PI4KA: variants seen among roughly 807,000 people sequenced by gnomAD.
The protein encoded by PI4KA is phosphatidylinositol 4-kinase alpha.
PI4KA carries 122 observed loss-of-function variants against 271.4 expected under a neutral mutation model. That is an observed-to-expected ratio of 0.45 (90% CI 0.39 to 0.52). PI4KA has a LOEUF of 0.52. Among genes scored for constraint, PI4KA ranks in the 20% least tolerant of loss-of-function variants. PI4KA has a pLI of 0.00. For synonymous variants in PI4KA, 1,041 were observed against 1,078.8 expected, an observed-to-expected ratio of 0.96 and a Z score of 0.69; for missense variants, 1,969 against 2,769.1, an observed-to-expected ratio of 0.71 and a Z score of 6.48.
chr22:20,726,447 C>G (rs1601342107), intron 42 of PI4KA, 41 bp downstream of exon 42: 1 of 1,511,772 alleles, frequency 6.6e-7, no homozygotes, highest in South Asian at 1.3e-5. Flanking sequence ...GTGGAACACA[C>G]TCTGTGAGTG....
At chr22:20,797,445 G>C (rs1011660051) in intron 17 of PI4KA, among the ~76,000 whole-genome samples, 1 of 152,112 alleles carries the variant, frequency 6.6e-6, no homozygotes, top group Non-Finnish European at 1.5e-5. Flanking sequence ...TCACATAGGC[G>C]CAAGGAAGCA....
At chr22:20,826,985 T>C (rs1187893477) in intron 3 of PI4KA, among the ~76,000 whole-genome samples, 2 of 152,188 alleles carry the variant, frequency 1.3e-5, no homozygotes, top group Non-Finnish European at 2.9e-5. Flanking sequence ...TTTCATTCAG[T>C]AGGGTGGCTG....
intron 22 of PI4KA, 184 bp downstream of exon 22, chr22:20,764,633 G>A (rs1047907021): frequency 3.1e-5 from 17 of 553,934 alleles, no homozygotes; most frequent in South Asian, 5.0e-5. Context: ...GTTACTATAC[G>A]TGGTGTCTGG....
intron 10 of PI4KA, 71 bp downstream of exon 10, chr22:20,807,291 C>T: frequency 1.1e-6 from 1 of 924,650 alleles, no homozygotes; most frequent in East Asian, 2.4e-5. Context: ...AGTCTGCAAC[C>T]ACTAGCATGC....
rs1258268005 is a variant in PI4KA, at chr22:20,712,710, C to T, written c.5659G>A (p.Val1887Met). ...LDLFVFPYRV[V>M]ATAPGCGVIE... Reference sequence around the variant, plus strand: ...GAACTTACCCCAGGGGCAGTGGCCACCACGCGGTAGGGAAAAACAAAGAGG... The same window carrying T: ...GAACTTACCCCAGGGGCAGTGGCCATCACGCGGTAGGGAAAAACAAAGAGG... The change falls in exon 49 of 55, where the codon GTG becomes ATG. Residue 1887 changes from valine (V) to methionine (M), a missense_variant. Coordinates refer to ENST00000255882, the MANE Select transcript of PI4KA (RefSeq NM_058004.4). 6.4e-7 allele frequency: 1 copy of T among 1,550,522 alleles called. No individual in the cohort carries two copies. Among genetic ancestry groups the T allele is most frequent in the South Asian group, 1.2e-5 (1 of 84,170 alleles).
rs16988800 is a variant in PI4KA at position 20,780,266 on chromosome 22, T to C, written c.2328+12927A>G. 2,252 of 1,607,144 alleles carry C rather than the reference T, an allele frequency of 1.4e-3. 27 individuals are homozygous for C. The African/African-American group carries it at 0.026, about 18-fold the overall frequency. ...CATACTATTTTTGTATGTGGGTAGA[T>C]TGAATGCCAAGAACTGTACTGTAGC... On this transcript the variant is annotated intron_variant, in intron 19 of 54. Transcript: ENST00000255882.
At chr22:20,840,896 A>C (rs1925470419) in intron 1 of PI4KA, among the ~76,000 whole-genome samples, 1 of 152,132 alleles carries the variant, frequency 6.6e-6, no homozygotes, top group Non-Finnish European at 1.5e-5. Flanking sequence ...AGGCGTGTGA[A>C]CCAGAGCAAC....
chr22:20,710,140 G>A (rs1284035276), intron 52 of PI4KA, 143 bp from the exon 53 acceptor site: 24 of 677,858 alleles, frequency 3.5e-5, no homozygotes, highest in East Asian at 8.1e-5. Flanking sequence ...GCACATCCCC[G>A]AGGCAACTTT....
Position 20,799,124 on chromosome 22 carries a change from T to C in PI4KA, c.1973A>G (p.Asp658Gly). 1.2e-6 allele frequency: 2 copies of C among 1,613,600 alleles called. No individual in the cohort carries two copies. Among genetic ancestry groups the C allele is most frequent in the Non-Finnish European group, 1.7e-6 (2 of 1,179,848 alleles). ...GGTGATAACCAGGCAGCCCAGCTGG[T>C]CAATAATCAGCACATCGAGGGGGGA... ...PPSPLDVLII[D>G]QLGCLVITGN... The change falls in exon 16 of 55, where the codon GAC (aspartate) becomes GGC (glycine). Residue 658 changes from aspartate (D) to glycine (G), a missense_variant. Physicochemically the swap from Asp to Gly is moderately conservative, Grantham distance 94. Coordinates refer to ENST00000255882, the MANE Select transcript of PI4KA (RefSeq NM_058004.4).
At chr22:20,799,563 G>T in intron 15 of PI4KA, 108 bp downstream of exon 15, 1 of 828,264 alleles carries the variant, frequency 1.2e-6, no homozygotes, top group South Asian at 1.5e-5. Flanking sequence ...CCTATGCTCT[G>T]AGACAAGGAG....
At chr22:20,841,648 C>A (rs1273493491) in intron 1 of PI4KA, among the ~76,000 whole-genome samples, 3 of 152,176 alleles carry the variant, frequency 2.0e-5, no homozygotes, top group Admixed American at 2.0e-4. Flanking sequence ...GATGTCCACA[C>A]CCTCAATCCC....
chr22:20,738,294 A>G (rs1202327367), intron 32 of PI4KA, among the ~76,000 whole-genome samples: 2 of 152,188 alleles, frequency 1.3e-5, no homozygotes, highest in Admixed American at 1.3e-4. Context: ...CCTGGGTTCA[A>G]TGGACAGGAG....
Sources: gnomAD v4.1 joint callset for allele counts (sites outside exome capture counted in the v4.1 genomes callset) on GRCh38, gnomAD v4.1.1 for gene constraint, MANE v1.5 for transcripts, NCBI Gene and HGNC (gene_info 2026-07-23, HGNC 2026-07-21) for gene names.